GRM8: variants seen among roughly 807,000 people sequenced by gnomAD.
The protein encoded by GRM8 is glutamate metabotropic receptor 8.
GRM8 carries 47 observed loss-of-function variants against 87.2 expected under a neutral mutation model. The observed-to-expected ratio is 0.54, with a 90% CI of 0.43 to 0.69. The LOEUF is 0.69. Among genes scored for constraint, GRM8 ranks in the 30% least tolerant of loss-of-function variants. GRM8 has a pLI of 0.00. For synonymous variants in GRM8, 396 were observed against 404.5 expected (o/e 0.98, Z 0.25); for missense variants, 1,019 against 1,139.2 (o/e 0.89, Z 1.52).
chr7:127,202,348 C>A (rs1374700763), intron 2 of GRM8, among the ~76,000 whole-genome samples: 1 of 152,020 alleles, frequency 6.6e-6, no homozygotes, highest in African/African-American at 2.4e-5. Flanking sequence ...TGGCTAATTT[C>A]TGTATTTTTA....
At chr7:126,511,090 T>C (rs1562900839) in intron 9 of GRM8, 1 of 152,154 alleles carries the variant, frequency 6.6e-6, no homozygotes, top group Non-Finnish European at 1.5e-5. Flanking sequence ...GCCTTTTCTT[T>C]TTCTCTATGG....
At chr7:126,864,654 AT>A (rs1295678215) in intron 6 of GRM8, among the ~76,000 whole-genome samples, 3 of 151,968 alleles carry the variant, frequency 2.0e-5, no homozygotes, top group African/African-American at 4.8e-5. Flanking sequence ...TATCAAATTT[AT>A]TTTTTAATGT....
intron 6 of GRM8, among the ~76,000 whole-genome samples, chr7:126,874,167 T>C (rs570841694): frequency 1.3e-5 from 2 of 152,064 alleles, no homozygotes; most frequent in African/African-American, 4.8e-5. Context: ...TGGATACCCA[T>C]CATGCTTTCA....
chr7:127,187,495 T>C (rs1452167841), intron 2 of GRM8, among the ~76,000 whole-genome samples: 2 of 152,094 alleles, frequency 1.3e-5, no homozygotes, highest in Non-Finnish European at 2.9e-5. Context: ...AGTCAGAACA[T>C]TAAATTCAGG....
At chr7:127,176,863 G>A (rs1043535585) in intron 2 of GRM8, among the ~76,000 whole-genome samples, 2 of 152,184 alleles carry the variant, frequency 1.3e-5, no homozygotes, top group Non-Finnish European at 2.9e-5. Flanking sequence ...AGCTTGCTGT[G>A]TACCCTAGCA....
intron 8 of GRM8, among the ~76,000 whole-genome samples, chr7:126,592,485 T>A (rs1306584416): frequency 6.6e-6 from 1 of 152,014 alleles, no homozygotes; most frequent in East Asian, 1.9e-4. Flanking sequence ...CATATGTAAA[T>A]TAATAAATGT....
chr7:126,928,864 C>G (rs962026299), intron 3 of GRM8, among the ~76,000 whole-genome samples: 2 of 151,952 alleles, frequency 1.3e-5, no homozygotes, highest in East Asian at 1.9e-4. Flanking sequence ...AGTGTGAACA[C>G]TTTTAGGGAA....
intron 3 of GRM8, among the ~76,000 whole-genome samples, chr7:127,071,152 A>G (rs1404523172): frequency 2.0e-5 from 3 of 152,138 alleles, no homozygotes; most frequent in African/African-American, 7.2e-5. Context: ...AACTTCTTAG[A>G]CTTGACGTAT....
intron 2 of GRM8, among the ~76,000 whole-genome samples, chr7:127,192,326 C>T (rs927070710): frequency 6.6e-6 from 1 of 152,170 alleles, no homozygotes; most frequent in African/African-American, 2.4e-5. Context: ...AAATTTTAGT[C>T]CATTTGCAGT....
chr7:126,616,088 C>T (rs1273976446), intron 7 of GRM8, among the ~76,000 whole-genome samples: 4 of 152,230 alleles, frequency 2.6e-5, no homozygotes, highest in African/African-American at 9.6e-5. Context: ...CTCAGCACCA[C>T]ATCACACTTA....
intron 6 of GRM8, among the ~76,000 whole-genome samples, chr7:126,867,440 T>C (rs568488403): frequency 6.6e-6 from 1 of 152,356 alleles, no homozygotes; most frequent in South Asian, 2.1e-4. Context: ...TTAGTTGTAT[T>C]GACTGGAGAC....
At chr7:126,815,331 A>T (rs1793684678) in intron 6 of GRM8, among the ~76,000 whole-genome samples, 1 of 152,154 alleles carries the variant, frequency 6.6e-6, no homozygotes. Flanking sequence ...GCATTCTATC[A>T]GGGAGAATTA....
At chr7:127,005,777 T>C (rs1814226924) in intron 3 of GRM8, among the ~76,000 whole-genome samples, 1 of 151,884 alleles carries the variant, frequency 6.6e-6, no homozygotes, top group Admixed American at 6.6e-5. Flanking sequence ...ACTTTCTATC[T>C]GCTCCCTACT....
intron 3 of GRM8, among the ~76,000 whole-genome samples, chr7:127,022,987 AC>A (rs918276697): frequency 1.3e-5 from 2 of 152,088 alleles, no homozygotes. Context: ...AGAGTAGGTG[AC>A]TTTCTAGAAA....
At chr7:126,489,512 T>C (rs1379578908) in intron 9 of GRM8, among the ~76,000 whole-genome samples, 1 of 152,042 alleles carries the variant, frequency 6.6e-6, no homozygotes, top group African/African-American at 2.4e-5. Context: ...AGACGCCTTA[T>C]TACCCGGTAT....
chr7:126,864,004 G>T (rs1798373726), intron 6 of GRM8, among the ~76,000 whole-genome samples: 2 of 143,754 alleles, frequency 1.4e-5, no homozygotes, highest in African/African-American at 2.5e-5. Context: ...ATATATACTT[G>T]GTTAACTTAC....
chr7:127,090,473 T>G (rs1015504170), intron 3 of GRM8, among the ~76,000 whole-genome samples: 5 of 152,108 alleles, frequency 3.3e-5, no homozygotes, highest in Admixed American at 2.6e-4. Flanking sequence ...GAATAATATA[T>G]TCATCAGATT....
intron 8 of GRM8, among the ~76,000 whole-genome samples, chr7:126,585,640 C>T (rs942657503): frequency 6.6e-6 from 1 of 152,076 alleles, no homozygotes; most frequent in Non-Finnish European, 1.5e-5. Context: ...GCCCTTCATG[C>T]TAAAAACTCT....
chr7:127,066,539 A>T lies in GRM8; in HGVS notation c.727+39957T>A, dbSNP rs1344801713. 6.6e-5 allele frequency among the ~76,000 whole-genome samples: 10 copies of T among 152,160 alleles called. No homozygotes were observed. In the East Asian group the frequency reaches 1.9e-3, roughly 29 times the overall value. ...TTTTTTTTAATTTAACTGACACATA[A>T]TTGTACATATTTATGAGTTATATAG... On this transcript the variant is annotated intron_variant, in intron 3 of 10. Coordinates refer to ENST00000339582, the MANE Select transcript of GRM8 (RefSeq NM_000845.3).
Sources: gnomAD v4.1 joint callset for allele counts (sites outside exome capture counted in the v4.1 genomes callset) on GRCh38, gnomAD v4.1.1 for gene constraint, MANE v1.5 for transcripts, NCBI Gene and HGNC (gene_info 2026-07-23, HGNC 2026-07-21) for gene names.